The following PDE4D variants were observed in gnomAD, a reference collection of about 807,000 sequenced individuals.
PDE4D encodes 3',5'-cyclic-AMP phosphodiesterase 4D.
In PDE4D, 24 loss-of-function variants were observed where a neutral mutation model predicts 87.4. That is an observed-to-expected ratio of 0.27 (90% CI 0.20 to 0.39). The LOEUF (loss-of-function observed/expected upper bound fraction) is 0.39. Among genes scored for constraint, PDE4D ranks in the 10% least tolerant of loss-of-function variants. The probability of loss-of-function intolerance (pLI) is 1.00; values close to 1 mark genes in which losing one functional copy is unlikely to be tolerated. For synonymous variants in PDE4D, 384 were observed against 383.2 expected (o/e 1.00, Z -0.02); for missense variants, 714 against 1,041.0 (o/e 0.69, Z 4.32).
intron 3 of PDE4D, among the ~76,000 whole-genome samples, chr5:59,921,396 T>G (rs536834461): frequency 6.6e-6 from 1 of 152,082 alleles, no homozygotes; most frequent in Non-Finnish European, 1.5e-5. Flanking sequence ...AATCAAAAGT[T>G]GAGGTTATTG....
At chr5:59,396,726 A>G (rs928703589) in intron 1 of PDE4D, among the ~76,000 whole-genome samples, 1 of 118,964 alleles carries the variant, frequency 8.4e-6, no homozygotes, top group Non-Finnish European at 1.8e-5. Flanking sequence ...AAATTCACAC[A>G]TAACACTATT....
intron 1 of PDE4D, among the ~76,000 whole-genome samples, chr5:59,417,538 C>CTT (rs550294405): frequency 6.9e-6 from 1 of 144,318 alleles, no homozygotes. Context: ...AAGCTGTTAC[C>CTT]TTTTTTTTTT....
At chr5:60,505,698 C>T (rs1256646457) in intron 1 of PDE4D, among the ~76,000 whole-genome samples, 2 of 152,226 alleles carry the variant, frequency 1.3e-5, no homozygotes, top group African/African-American at 4.8e-5. Flanking sequence ...ATTACAAATA[C>T]CTACTTTACA....
At chr5:59,395,046 C>G (rs763570772) in intron 1 of PDE4D, among the ~76,000 whole-genome samples, 102 of 152,198 alleles carry the variant, frequency 6.7e-4, no homozygotes, top group Non-Finnish European at 1.3e-3. Flanking sequence ...CAGCACACCA[C>G]GAGATTATAT....
chr5:59,654,680 A>T (rs1744071806), intron 1 of PDE4D, among the ~76,000 whole-genome samples: 1 of 152,110 alleles, frequency 6.6e-6, no homozygotes, highest in South Asian at 2.1e-4. Flanking sequence ...CCATTAACAC[A>T]ATTTAGAATA....
chr5:60,425,709 G>A (rs192101475), intron 1 of PDE4D, among the ~76,000 whole-genome samples: 19 of 152,120 alleles, frequency 1.2e-4, no homozygotes, highest in South Asian at 6.3e-4. Flanking sequence ...AAAGAGCTTC[G>A]GCATGGCAAA....
intron 1 of PDE4D, among the ~76,000 whole-genome samples, chr5:60,224,041 T>C (rs112999073): frequency 0.014 from 2,126 of 152,236 alleles, 21 homozygotes; most frequent in Middle Eastern, 0.034. Context: ...ATACCAATCA[T>C]GGCAGTATTG....
At chr5:60,433,314 G>GA (rs1185105340) in intron 1 of PDE4D, among the ~76,000 whole-genome samples, 2 of 152,110 alleles carry the variant, frequency 1.3e-5, no homozygotes, top group African/African-American at 2.4e-5. Context: ...ACAAGCATAT[G>GA]AAAAAATACT....
chr5:59,420,962 A>G (rs147778734), intron 1 of PDE4D, among the ~76,000 whole-genome samples: 1,961 of 152,304 alleles, frequency 0.013, 25 homozygotes, highest in South Asian at 0.049. Context: ...TTATTATCGC[A>G]CAACTGACTT....
chr5:60,101,927 T>C (rs1425760742), intron 2 of PDE4D, among the ~76,000 whole-genome samples: 1 of 152,128 alleles, frequency 6.6e-6, no homozygotes. Context: ...CCACGAACAC[T>C]GAAAGCTTCT....
intron 1 of PDE4D, among the ~76,000 whole-genome samples, chr5:59,307,393 C>T (rs1771604341): frequency 6.6e-6 from 1 of 150,908 alleles, no homozygotes; most frequent in South Asian, 2.1e-4. Context: ...TTCTGCACAG[C>T]AAAAGAAACT....
chr5:60,135,299 T>C (rs1437762367), intron 2 of PDE4D, among the ~76,000 whole-genome samples: 1 of 152,210 alleles, frequency 6.6e-6, no homozygotes, highest in African/African-American at 2.4e-5. Flanking sequence ...CTTTGGGAGA[T>C]AAATTTCTAT....
chr5:60,335,909 G>A (rs2149881507), intron 1 of PDE4D, among the ~76,000 whole-genome samples: 1 of 152,296 alleles, frequency 6.6e-6, no homozygotes, highest in South Asian at 2.1e-4. Context: ...TTAACTGATA[G>A]CACTAATATG....
intron 1 of PDE4D, among the ~76,000 whole-genome samples, chr5:60,227,201 C>G (rs1320076040): frequency 6.6e-6 from 1 of 152,062 alleles, no homozygotes; most frequent in Non-Finnish European, 1.5e-5. Context: ...ATGGGACAGT[C>G]AGAATCACAG....
intron 1 of PDE4D, among the ~76,000 whole-genome samples, chr5:59,677,774 G>A (rs1748350032): frequency 1.3e-5 from 2 of 152,132 alleles, no homozygotes; most frequent in African/African-American, 4.8e-5. Context: ...CAGGGATCCA[G>A]ATCATTCCAA....
chr5:59,390,071 A>G (rs529673936), intron 1 of PDE4D, among the ~76,000 whole-genome samples: 1 of 152,270 alleles, frequency 6.6e-6, no homozygotes, highest in South Asian at 2.1e-4. Context: ...ATCATCACAC[A>G]TTGTATGCAT....
intron 1 of PDE4D, among the ~76,000 whole-genome samples, chr5:59,672,941 T>C (rs1041220584): frequency 2.0e-5 from 3 of 152,210 alleles, no homozygotes; most frequent in Admixed American, 6.5e-5. Flanking sequence ...GTCTTAGCTG[T>C]ATGAAACAGC....
At chr5:60,470,747 G>A (rs139675023) in intron 1 of PDE4D, among the ~76,000 whole-genome samples, 278 of 151,952 alleles carry the variant, frequency 1.8e-3, no homozygotes, top group African/African-American at 6.3e-3. Context: ...ATGGTTTACC[G>A]AATTTTTTAA....
chr5:59,767,248 C>T (rs1354103992), intron 1 of PDE4D, among the ~76,000 whole-genome samples: 1 of 151,940 alleles, frequency 6.6e-6, no homozygotes, highest in African/African-American at 2.4e-5. Context: ...AACTAACACA[C>T]TCATTCTTTT....
Sources: gnomAD v4.1 joint callset for allele counts (sites outside exome capture counted in the v4.1 genomes callset) on GRCh38, gnomAD v4.1.1 for gene constraint, MANE v1.5 for transcripts, NCBI Gene and HGNC (gene_info 2026-07-23, HGNC 2026-07-21) for gene names.